Variants in PEBP4 observed in about 807,000 individuals in gnomAD.
PEBP4 encodes phosphatidylethanolamine-binding protein 4.
In PEBP4, 22 loss-of-function variants were observed where a neutral mutation model predicts 23.9. The observed-to-expected ratio is 0.92, with a 90% confidence interval of 0.66 to 1.31. PEBP4 has a LOEUF of 1.31. Among genes scored for constraint, PEBP4 ranks in the 40% most tolerant of loss-of-function variants. The pLI, the probability that PEBP4 is intolerant of heterozygous loss-of-function variation, is 0.00. For missense variants in PEBP4, 324 were observed against 281.7 expected (o/e 1.15, Z -1.07); for synonymous variants, 112 against 99.3 (o/e 1.13, Z -0.76).
intron 4 of PEBP4, among the ~76,000 whole-genome samples, chr8:22,816,786 GCA>G (rs1488288414): frequency 6.6e-6 from 1 of 152,124 alleles, no homozygotes; most frequent in Admixed American, 6.5e-5. Context: ...GGTGTTCTAG[GCA>G]CAGATTCGTG....
At chr8:22,878,598 C>A (rs1808179192) in intron 3 of PEBP4, among the ~76,000 whole-genome samples, 1 of 152,176 alleles carries the variant, frequency 6.6e-6, no homozygotes, top group African/African-American at 2.4e-5. Flanking sequence ...GGGCCTGGCA[C>A]CTCTGGGTTT....
At chr8:22,765,826 G>T (rs371348844) in intron 4 of PEBP4, among the ~76,000 whole-genome samples, 1 of 100,380 alleles carries the variant, frequency 1.0e-5, no homozygotes, top group Non-Finnish European at 2.1e-5. Context: ...ATCACCACCT[G>T]TGGATCACCA....
Position 22,865,371 on chromosome 8 carries a change from CGGT to C in PEBP4, c.259-47639_259-47637del. ...GCCCACCCACGGGCGGTGACGGTGG[CGGT>C]GGCGGTGGCGGCGGCGGGACCCCGG... On this transcript the variant is annotated intron_variant, in intron 3 of 6. Transcript: ENST00000256404. This position sits in a 1 kb window ranked among gnomAD's most constrained non-coding sequence, Gnocchi z 6.9. 6.3e-4 allele frequency among the ~76,000 whole-genome samples: 1 copy of C among 1,590 alleles called. No individual in the cohort carries two copies. Among genetic ancestry groups the C allele is most frequent in the Non-Finnish European group, 3.0e-3 (1 of 336 alleles). 1.0% of individuals were successfully genotyped at this position (1,590 alleles called of 152,430 possible). A position where few individuals can be genotyped will look rare whatever the true frequency, so the allele number is the denominator to read the frequency against.
rs551408954 is a variant in PEBP4 at position 22,775,248 on chromosome 8, C to T, written c.357+42389G>A. Among the ~76,000 whole-genome samples the T allele has an allele frequency of 6.6e-6, 1 of 152,338 alleles. No homozygotes were observed. Among genetic ancestry groups the T allele is most frequent in the South Asian group, 2.1e-4 (1 of 4,828 alleles). ...TACCCGAGAAAGCTGCCTCTCTCAG[C>T]AGCATCTTTCAGGGACCCGGAAGCC... is the stretch of plus-strand genomic sequence containing the variant. On this transcript the variant is annotated intron_variant, in intron 4 of 6. Transcript: ENST00000256404. This position sits in a 1 kb window ranked among gnomAD's most constrained non-coding sequence, Gnocchi z 4.8.
chr8:22,740,032 T>TTA (rs1804956526), intron 4 of PEBP4, among the ~76,000 whole-genome samples: 1 of 152,088 alleles, frequency 6.6e-6, no homozygotes, highest in African/African-American at 2.4e-5. Context: ...TTGCCCTATT[T>TTA]TAGGTTTCCA....
intron 3 of PEBP4, among the ~76,000 whole-genome samples, chr8:22,918,273 C>T (rs542970948): frequency 1.3e-5 from 2 of 152,222 alleles, no homozygotes; most frequent in Admixed American, 1.3e-4. Flanking sequence ...TTTCTTCTTC[C>T]CACAGCTTCG....
chr8:22,755,099 C>A (rs1036709405), intron 4 of PEBP4, among the ~76,000 whole-genome samples: 22 of 152,314 alleles, frequency 1.4e-4, no homozygotes, highest in African/African-American at 4.1e-4. Flanking sequence ...GGTTTCGAAA[C>A]CACTCCTGAG....
intron 3 of PEBP4, among the ~76,000 whole-genome samples, chr8:22,916,810 G>T (rs988845132): frequency 4.6e-5 from 7 of 152,212 alleles, no homozygotes; most frequent in African/African-American, 1.7e-4. Context: ...AACTTACAAA[G>T]TGCTTGAAGC....
chr8:22,798,336 C>A (rs1806307524), intron 4 of PEBP4, among the ~76,000 whole-genome samples: 1 of 152,116 alleles, frequency 6.6e-6, no homozygotes, highest in South Asian at 2.1e-4. Flanking sequence ...ACTAACGAAT[C>A]CAGAGCCCAT....
chr8:22,752,142 C>A (rs1428031192), intron 4 of PEBP4, among the ~76,000 whole-genome samples: 5 of 152,166 alleles, frequency 3.3e-5, no homozygotes, highest in African/African-American at 1.2e-4. Flanking sequence ...CTCCTGGCCT[C>A]AAGCAGTCCT....
chr8:22,882,449 G>C (rs546080431), intron 3 of PEBP4, among the ~76,000 whole-genome samples: 113 of 152,256 alleles, frequency 7.4e-4, no homozygotes, highest in Middle Eastern at 6.8e-3. Flanking sequence ...CAGGATTTGG[G>C]GTGGTGTGGA....
intron 4 of PEBP4, among the ~76,000 whole-genome samples, chr8:22,768,206 T>G (rs998381820): frequency 6.6e-6 from 1 of 152,158 alleles, no homozygotes; most frequent in Non-Finnish European, 1.5e-5. Context: ...GCAGGCTGTT[T>G]CCCCTGAAGT....
intron 4 of PEBP4, among the ~76,000 whole-genome samples, chr8:22,769,242 C>T (rs1805670848): frequency 1.3e-5 from 2 of 152,224 alleles, no homozygotes; most frequent in South Asian, 2.1e-4. Context: ...GGGTTCCTGC[C>T]TCCCTCAGGC....
At position 22,793,580 on chromosome 8, in the gene PEBP4, T is replaced by C. The variant is rs2128757356; in HGVS notation, c.357+24057A>G. Among the ~76,000 whole-genome samples, 3 of 152,208 alleles carry C rather than the reference T, an allele frequency of 2.0e-5. 1 individual carries two copies. Among genetic ancestry groups the C allele is most frequent in the Middle Eastern group, 6.8e-3 (2 of 294 alleles). On this transcript the variant is annotated intron_variant, in intron 4 of 6. Coordinates refer to ENST00000256404, the MANE Select transcript of PEBP4 (RefSeq NM_144962.3). ...ATAGACGTGAGCCATCACACCTGGT[T>C]GGTTGCATAATAGTTTATGTAGTGT...
intron 4 of PEBP4, among the ~76,000 whole-genome samples, chr8:22,815,342 G>T (rs143700074): frequency 6.6e-6 from 1 of 152,176 alleles, no homozygotes; most frequent in Non-Finnish European, 1.5e-5. Flanking sequence ...TTCTGCGGGT[G>T]GGGTAGTGCC....
chr8:22,734,922 TAA>T (rs1474812220), intron 4 of PEBP4, among the ~76,000 whole-genome samples: 1 of 152,154 alleles, frequency 6.6e-6, no homozygotes, highest in East Asian at 1.9e-4. Flanking sequence ...GACACTGGGT[TAA>T]GAGACGAGAT....
At chr8:22,885,114 T>C (rs1308557191) in intron 3 of PEBP4, 2 of 152,156 alleles carry the variant, frequency 1.3e-5, no homozygotes, top group Non-Finnish European at 2.9e-5. Flanking sequence ...AAGGAGACTG[T>C]GACGATACTG....
intron 4 of PEBP4, among the ~76,000 whole-genome samples, chr8:22,763,181 T>C (rs1278731734): frequency 6.6e-6 from 1 of 152,152 alleles, no homozygotes; most frequent in Non-Finnish European, 1.5e-5. Context: ...ATTTTTGTAT[T>C]TTTAGTAGAG....
chr8:22,908,389 CAAACA>C (rs964531643), intron 3 of PEBP4, among the ~76,000 whole-genome samples: 7 of 139,568 alleles, frequency 5.0e-5, no homozygotes, highest in Admixed American at 2.2e-4. Flanking sequence ...AACAAACAAA[CAAACA>C]AAAAAAAAAA....
Sources: gnomAD v4.1 joint callset for allele counts (sites outside exome capture counted in the v4.1 genomes callset) on GRCh38, gnomAD v4.1.1 for gene constraint, Gnocchi (gnomAD v3.1) non-coding constraint, MANE v1.5 for transcripts, NCBI Gene and HGNC (gene_info 2026-07-23, HGNC 2026-07-21) for gene names.